Variants in RRAS observed in about 807,000 individuals in gnomAD.
RRAS encodes ras-related protein R-Ras.
RRAS carries 18 observed loss-of-function variants against 23.3 expected under a neutral mutation model. The ratio of observed to expected loss-of-function variants is 0.77; its 90% CI spans 0.53 to 1.15. RRAS has a LOEUF of 1.15. Among genes scored for constraint, RRAS ranks in the 50% most tolerant of loss-of-function variants. The pLI, the probability that RRAS is intolerant of heterozygous loss-of-function variation, is 0.00. For missense variants in RRAS, 291 were observed against 317.1 expected (o/e 0.92, Z 0.62); for synonymous variants, 133 against 138.3 (o/e 0.96, Z 0.27).
At chr19:49,637,556 G>T (rs1051632203) in intron 1 of RRAS, among the ~76,000 whole-genome samples, 1 of 151,748 alleles carries the variant, frequency 6.6e-6, no homozygotes, top group Admixed American at 6.6e-5. Context: ...TGATCCGCCC[G>T]CCTGGGTCTC....
intron 1 of RRAS, 129 bp from the exon 2 acceptor site, chr19:49,637,259 C>A: frequency 1.5e-6 from 1 of 675,958 alleles, no homozygotes; most frequent in South Asian, 1.7e-5. Flanking sequence ...TGGGTCTCTG[C>A]CCCCTTTTCT....
At position 49,635,718 on chromosome 19, in the gene RRAS, AGGGGACTT is replaced by A; in HGVS notation, c.572+8_572+15del. On this transcript the variant is annotated splice_region_variant and intron_variant, in intron 5 of 5. Coordinates refer to ENST00000246792, the MANE Select transcript of RRAS (RefSeq NM_006270.5). ...AGGGCTGGGGACAAGGACGACAGGA[AGGGGACTT>A]GGCTCACCGGACAGCCCGCACCAGC... The A allele has an allele frequency of 6.4e-7, 1 of 1,554,394 alleles. No individual in the cohort carries two copies. The highest frequency in any genetic ancestry group is 8.8e-7 in the Non-Finnish European group (1 of 1,137,406).
At position 49,635,734 on chromosome 19, in the gene RRAS, C is replaced by T. The variant is rs759803129; in HGVS notation, c.572G>A (p.Arg191Gln). 5.1e-6 allele frequency: 8 copies of T among 1,563,786 alleles called. No individual in the cohort carries two copies. Among genetic ancestry groups the T allele is most frequent in the Non-Finnish European group, 6.1e-6 (7 of 1,143,212 alleles). ...ACGACAGGAAGGGGACTTGGCTCACCGGACAGCCCGCACCAGCTGCTCAAA... is the reference window on the plus strand; with the variant it reads ...ACGACAGGAAGGGGACTTGGCTCACTGGACAGCCCGCACCAGCTGCTCAAA... ...EAFEQLVRAV[R>Q]KYQEQELPPS... The change falls in exon 5 of 6, where the codon CGG (arginine) becomes CAG (glutamine). Residue 191 changes from arginine (R) to glutamine (Q), a missense_variant and splice_region_variant. Physicochemically the swap from Arg to Gln is conservative, Grantham distance 43. Transcript: ENST00000246792.
intron 1 of RRAS, among the ~76,000 whole-genome samples, chr19:49,638,859 G>A (rs920456317): frequency 6.6e-6 from 1 of 151,952 alleles, no homozygotes; most frequent in Non-Finnish European, 1.5e-5. Flanking sequence ...TTCTGAGAGG[G>A]GCTCAGGGAG....
chr19:49,636,430 C>T lies in RRAS; in HGVS notation c.453+189G>A, dbSNP rs2080996410. Reference sequence around the variant, plus strand: ...AGCCTCTCCTGAGGACACTTGCATGCTAGGCCCTCTGCTCGGTGATGCCGG... The same window carrying T: ...AGCCTCTCCTGAGGACACTTGCATGTTAGGCCCTCTGCTCGGTGATGCCGG... On this transcript the variant is annotated intron_variant, in intron 4 of 5. Coordinates refer to ENST00000246792, the MANE Select transcript of RRAS (RefSeq NM_006270.5). This position sits in a 1 kb window ranked among gnomAD's most constrained non-coding sequence, Gnocchi z 4.5. 6.6e-6 allele frequency among the ~76,000 whole-genome samples: 1 copy of T among 152,108 alleles called. No homozygotes were observed. Among genetic ancestry groups the T allele is most frequent in the Non-Finnish European group, 1.5e-5 (1 of 68,002 alleles).
Position 49,636,401 on chromosome 19 carries a change from C to G in RRAS, c.453+218G>C, listed in dbSNP as rs2080996332. Reference sequence around the variant, plus strand: ...GGGGGTGAATGTCCTTTGTTCCGTCCAGCAGCCTCTCCTGAGGACACTTGC... The same window carrying G: ...GGGGGTGAATGTCCTTTGTTCCGTCGAGCAGCCTCTCCTGAGGACACTTGC... On this transcript the variant is annotated intron_variant, in intron 4 of 5. Coordinates refer to ENST00000246792, the MANE Select transcript of RRAS (RefSeq NM_006270.5). The surrounding 1 kb of genome is among the most constrained non-coding windows in gnomAD (Gnocchi z 4.5). 6.6e-6 allele frequency among the ~76,000 whole-genome samples: 1 copy of G among 152,092 alleles called. No homozygotes were observed.
At position 49,636,609 on chromosome 19, in the gene RRAS, T is replaced by A. The variant is rs2080997235; in HGVS notation, c.453+10A>T. On this transcript the variant is annotated intron_variant, in intron 4 of 5. Coordinates refer to ENST00000246792, the MANE Select transcript of RRAS (RefSeq NM_006270.5). The surrounding 1 kb of genome is among the most constrained non-coding windows in gnomAD (Gnocchi z 4.5). ...GAGATGGGGTCCCCAGAAAGAGGGGTGTCCCGAACCTGGCGCTGTGACTCC... is the reference window on the plus strand; with the variant it reads ...GAGATGGGGTCCCCAGAAAGAGGGGAGTCCCGAACCTGGCGCTGTGACTCC... 1 of 1,599,850 alleles carries A rather than the reference T, an allele frequency of 6.3e-7. No individual in the cohort carries two copies. Among genetic ancestry groups the A allele is most frequent in the African/African-American group, 1.3e-5 (1 of 74,556 alleles).
chr19:49,638,637 G>A (rs1190521326), intron 1 of RRAS, among the ~76,000 whole-genome samples: 1 of 152,170 alleles, frequency 6.6e-6, no homozygotes, highest in East Asian at 1.9e-4. Flanking sequence ...TTAGGGGCGT[G>A]ACCTCAGAGC....
chr19:49,635,810 C>T lies in RRAS; in HGVS notation c.496G>A (p.Val166Met), dbSNP rs151171681. The T allele has an allele frequency of 7.6e-6, 10 of 1,316,264 alleles. No individual in the cohort carries two copies. Among genetic ancestry groups the T allele is most frequent in the South Asian group, 3.6e-5 (3 of 83,678 alleles). The allele number at this position is 1,316,264 out of a possible 1,614,324, so 81.5% of individuals were successfully genotyped here. A position where few individuals can be genotyped will look rare whatever the true frequency, so the allele number is the denominator to read the frequency against. The change falls in exon 5 of 6, where the codon GTG becomes ATG. Residue 166 changes from valine (V) to methionine (M), a missense_variant. Val to Met is a conservative substitution (Grantham distance 21). Transcript: ENST00000246792. ...EASAFGASHH[V>M]AYFEASAKLR... ...TTGGCCGAGGCCTCAAAGTAGGCCA[C>T]GTGGTGGGAGGCGCCGAAGGCAGAG...
At chr19:49,638,439 G>A (rs1259703339) in intron 1 of RRAS, among the ~76,000 whole-genome samples, 1 of 152,184 alleles carries the variant, frequency 6.6e-6, no homozygotes, top group Non-Finnish European at 1.5e-5. Flanking sequence ...TTTGAAGCTG[G>A]GAGGACCTCC....
chr19:49,635,311 T>C lies in RRAS; in HGVS notation c.*265A>G. 1 of 308,788 alleles carries C rather than the reference T, an allele frequency of 3.2e-6. No homozygotes were observed. Among genetic ancestry groups the C allele is most frequent in the East Asian group, 5.0e-5 (1 of 19,906 alleles). 19.1% of individuals were successfully genotyped at this position (308,788 alleles called of 1,614,324 possible). A position where few individuals can be genotyped will look rare whatever the true frequency, so the allele number is the denominator to read the frequency against. ...ACCTCCTGACGTTGGCAGTGACATT[T>C]ATTTTTCTGGGGGAGGGGAGTTATA... On this transcript the variant is annotated 3_prime_UTR_variant, in exon 6 of 6. Coordinates refer to ENST00000246792, the MANE Select transcript of RRAS (RefSeq NM_006270.5).
chr19:49,636,165 G>A lies in RRAS; in HGVS notation c.454-313C>T, dbSNP rs959765480. On this transcript the variant is annotated intron_variant, in intron 4 of 5. Transcript: ENST00000246792. The surrounding 1 kb of genome is among the most constrained non-coding windows in gnomAD (Gnocchi z 4.5). ...AAGCCTGGAAATCCCCAGAGCCTTT[G>A]CCAGATGGATGAGTTCTGTGTGGAA... Among the ~76,000 whole-genome samples the A allele has an allele frequency of 4.6e-5, 7 of 152,116 alleles. No individual in the cohort carries two copies. Among genetic ancestry groups the A allele is most frequent in the African/African-American group, 1.7e-4 (7 of 41,408 alleles).
intron 1 of RRAS, 108 bp from the exon 2 acceptor site, chr19:49,637,238 G>A: frequency 1.3e-6 from 1 of 774,936 alleles, no homozygotes; most frequent in Non-Finnish European, 2.2e-6. Context: ...CTAAATGTCT[G>A]TCCCTGTTGC....
At chr19:49,639,298 G>T (rs538621337) in intron 1 of RRAS, among the ~76,000 whole-genome samples, 1 of 152,120 alleles carries the variant, frequency 6.6e-6, no homozygotes, top group South Asian at 2.1e-4. Flanking sequence ...GGTGGCACTC[G>T]CCTGTAGTCT....
Position 49,636,746 on chromosome 19 carries a change from G to C in RRAS, c.345-19C>G, listed in dbSNP as rs369700575. 3.4e-5 allele frequency: 55 copies of C among 1,612,072 alleles called. No homozygotes were observed. In the African/African-American group the frequency reaches 6.4e-4, roughly 19 times the overall value. On this transcript the variant is annotated intron_variant, in intron 3 of 5. Transcript: ENST00000246792. This position sits in a 1 kb window ranked among gnomAD's most constrained non-coding sequence, Gnocchi z 4.5. ...GTTGAAACTGCGAGTGAAGCCGGAG[G>C]CATGAGGTCCAGCCAGCTGCAGAGC...
chr19:49,637,495 G>A (rs1267036993), intron 1 of RRAS, among the ~76,000 whole-genome samples: 2 of 151,874 alleles, frequency 1.3e-5, no homozygotes, highest in Non-Finnish European at 2.9e-5. Flanking sequence ...TAGTAGAGAT[G>A]TGTTGGTCAG....
chr19:49,635,575 G>A lies in RRAS; in HGVS notation c.*1C>T. The A allele has an allele frequency of 1.4e-6, 2 of 1,437,138 alleles. No homozygotes were observed. The highest frequency in any genetic ancestry group is 3.2e-5 in the South Asian group (2 of 62,250). 89.0% of individuals were successfully genotyped at this position (1,437,138 alleles called of 1,614,324 possible). ...TGGTGGTTGCTTCTCTCTTGCCTGGGCTACAGGAGGACGCAGGGGCAGCCC... is the reference window on the plus strand; with the variant it reads ...TGGTGGTTGCTTCTCTCTTGCCTGGACTACAGGAGGACGCAGGGGCAGCCC... On this transcript the variant is annotated 3_prime_UTR_variant, in exon 6 of 6. Transcript: ENST00000246792.
intron 1 of RRAS, among the ~76,000 whole-genome samples, chr19:49,639,206 G>A (rs547068880): frequency 4.9e-4 from 75 of 152,080 alleles, no homozygotes; most frequent in African/African-American, 1.8e-3. Flanking sequence ...AAGGCAGGCC[G>A]ATCACGAGGT....
At position 49,636,393 on chromosome 19, in the gene RRAS, G is replaced by A. The variant is rs1017835609; in HGVS notation, c.453+226C>T. 2.0e-5 allele frequency among the ~76,000 whole-genome samples: 3 copies of A among 152,110 alleles called. No individual in the cohort carries two copies. The highest frequency in any genetic ancestry group is 4.4e-5 in the Non-Finnish European group (3 of 68,010). ...GGCGGACGGGGGGTGAATGTCCTTTGTTCCGTCCAGCAGCCTCTCCTGAGG... is the reference window on the plus strand; with the variant it reads ...GGCGGACGGGGGGTGAATGTCCTTTATTCCGTCCAGCAGCCTCTCCTGAGG... On this transcript the variant is annotated intron_variant, in intron 4 of 5. Transcript: ENST00000246792. The surrounding 1 kb of genome is among the most constrained non-coding windows in gnomAD (Gnocchi z 4.5).
Sources: allele counts gnomAD v4.1 joint callset (sites outside exome capture counted in the v4.1 genomes callset), GRCh38; gene constraint gnomAD v4.1.1; non-coding constraint Gnocchi (gnomAD v3.1); transcripts MANE v1.5; gene names NCBI Gene and HGNC (gene_info 2026-07-23, HGNC 2026-07-21).